The following CFAP95 variants were observed in gnomAD, a reference collection of about 807,000 sequenced individuals.
The protein encoded by CFAP95 is cilia and flagella associated protein 95.
chr9:69,843,631 C>T, the CFAP95 span, among the ~76,000 whole-genome samples: 6,981 of 44,270 alleles, frequency 0.16, 912 homozygotes, highest in East Asian at 0.22. Context: ...CTTCTTCTTC[C>T]TCCTCCTCCT....
At chr9:69,832,051 A>C in the CFAP95 span, among the ~76,000 whole-genome samples, 1 of 152,230 alleles carries the variant, frequency 6.6e-6, no homozygotes, top group Non-Finnish European at 1.5e-5. Context: ...ATGGCCATTT[A>C]TAACAAGGGT....
chr9:69,904,300 T>A, the CFAP95 span, among the ~76,000 whole-genome samples: 14 of 152,372 alleles, frequency 9.2e-5, no homozygotes, highest in East Asian at 2.7e-3. Context: ...CAAGAAGTTG[T>A]ACAATATGTG....
At chr9:69,882,736 A>G in the CFAP95 span, among the ~76,000 whole-genome samples, 1 of 152,198 alleles carries the variant, frequency 6.6e-6, no homozygotes, top group African/African-American at 2.4e-5. Flanking sequence ...TTCTGTTGAT[A>G]TGATGTATCA....
At chr9:69,865,762 T>G in the CFAP95 span, among the ~76,000 whole-genome samples, 3 of 152,178 alleles carry the variant, frequency 2.0e-5, no homozygotes, top group Admixed American at 2.0e-4. Context: ...CAAGCTGATA[T>G]TTTCCTTTAA....
At chr9:69,859,978 C>A in the CFAP95 span, among the ~76,000 whole-genome samples, 3 of 152,084 alleles carry the variant, frequency 2.0e-5, no homozygotes, top group Admixed American at 2.0e-4. Context: ...AGGGCACATG[C>A]CATGCATGTA....
At chr9:69,887,188 G>T in the CFAP95 span, among the ~76,000 whole-genome samples, 1 of 152,114 alleles carries the variant, frequency 6.6e-6, no homozygotes, top group Non-Finnish European at 1.5e-5. Context: ...TCTGGAATAA[G>T]AACCCACTTT....
the CFAP95 span, among the ~76,000 whole-genome samples, chr9:69,872,099 C>T: frequency 6.6e-6 from 1 of 152,166 alleles, no homozygotes; most frequent in Non-Finnish European, 1.5e-5. Context: ...ATCCAGTAAG[C>T]ACTAGAGCTG....
At chr9:69,837,134 T>C in the CFAP95 span, among the ~76,000 whole-genome samples, 1 of 152,124 alleles carries the variant, frequency 6.6e-6, no homozygotes, top group Non-Finnish European at 1.5e-5. Context: ...CTATCATTGT[T>C]GGACATTCGG....
At chr9:69,887,904 G>A in the CFAP95 span, among the ~76,000 whole-genome samples, 10 of 152,324 alleles carry the variant, frequency 6.6e-5, no homozygotes, top group East Asian at 9.6e-4. Flanking sequence ...GGAAGCCATC[G>A]TGGATAATCA....
chr9:69,873,644 C>A, the CFAP95 span, among the ~76,000 whole-genome samples: 4 of 152,174 alleles, frequency 2.6e-5, no homozygotes, highest in African/African-American at 9.7e-5. Flanking sequence ...TAGTTCTCTG[C>A]TTCTTTAAGT....
At chr9:69,856,937 T>C in the CFAP95 span, among the ~76,000 whole-genome samples, 1 of 151,518 alleles carries the variant, frequency 6.6e-6, no homozygotes, top group Non-Finnish European at 1.5e-5. Context: ...TTTTTTTTTT[T>C]TCTGGCCCAA....
chr9:69,875,230 T>A, the CFAP95 span, among the ~76,000 whole-genome samples: 2 of 151,274 alleles, frequency 1.3e-5, no homozygotes, highest in African/African-American at 4.9e-5. Flanking sequence ...TTTAAGGGGG[T>A]GAGGGAAGGA....
At chr9:69,901,870 T>G in the CFAP95 span, among the ~76,000 whole-genome samples, 1 of 152,198 alleles carries the variant, frequency 6.6e-6, no homozygotes, top group Non-Finnish European at 1.5e-5. Flanking sequence ...GACTTTTTAA[T>G]GATCGCCATT....
chr9:69,842,466 T>G, the CFAP95 span, among the ~76,000 whole-genome samples: 1 of 152,362 alleles, frequency 6.6e-6, no homozygotes. Flanking sequence ...AGTTCAATTA[T>G]GGCAAAACTA....
chr9:69,831,272 A>C, the CFAP95 span, among the ~76,000 whole-genome samples: 3 of 152,164 alleles, frequency 2.0e-5, no homozygotes, highest in Admixed American at 6.5e-5. Context: ...TGATAGGATA[A>C]AATTTTTTGA....
the CFAP95 span, among the ~76,000 whole-genome samples, chr9:69,853,517 T>C: frequency 6.6e-6 from 1 of 152,350 alleles, no homozygotes; most frequent in Admixed American, 6.5e-5. Flanking sequence ...GCTGTGTTAA[T>C]TTAGCTATCT....
the CFAP95 span, among the ~76,000 whole-genome samples, chr9:69,840,974 C>T: frequency 1.3e-5 from 2 of 151,558 alleles, no homozygotes; most frequent in African/African-American, 4.8e-5. Context: ...GAAAAAAGAA[C>T]ATATCTGCAT....
chr9:69,882,831 G>A, the CFAP95 span, among the ~76,000 whole-genome samples: 1 of 152,140 alleles, frequency 6.6e-6, no homozygotes, highest in East Asian at 1.9e-4. Flanking sequence ...TTTTTAACGT[G>A]TTGTTGAATT....
the CFAP95 span, chr9:69,906,070 T>G: frequency 6.2e-7 from 1 of 1,613,160 alleles, no homozygotes; most frequent in Non-Finnish European, 8.5e-7. Context: ...AGAGTGGGAT[T>G]TATGCTAATT....
Sources: allele counts gnomAD v4.1 joint callset (sites outside exome capture counted in the v4.1 genomes callset), GRCh38; gene constraint gnomAD v4.1.1; transcripts MANE v1.5; gene names NCBI Gene and HGNC (gene_info 2026-07-23, HGNC 2026-07-21).